Variants in SERGEF observed in about 807,000 individuals in gnomAD.
SERGEF encodes secretion-regulating guanine nucleotide exchange factor.
Under a neutral mutation model 50.0 loss-of-function variants are expected in SERGEF, and 51 were observed. That is an observed-to-expected ratio of 1.02 (90% confidence interval 0.81 to 1.29). SERGEF has a LOEUF of 1.29. Ranked by LOEUF, SERGEF falls within the 50% of genes most tolerant of loss-of-function variation. The pLI is 0.00. For synonymous variants in SERGEF, 205 were observed against 212.4 expected (o/e 0.97, Z 0.30); for missense variants, 521 against 557.0 (o/e 0.94, Z 0.65).
At chr11:17,994,092 CT>C (rs1853779325) in intron 6 of SERGEF, among the ~76,000 whole-genome samples, 1 of 152,144 alleles carries the variant, frequency 6.6e-6, no homozygotes, top group African/African-American at 2.4e-5. Context: ...AGTTCATAAT[CT>C]TCAGCATATG....
chr11:17,963,181 C>CAAA (rs1164488575), intron 8 of SERGEF, among the ~76,000 whole-genome samples: 2 of 16,476 alleles, frequency 1.2e-4, no homozygotes, highest in African/African-American at 2.3e-4. Context: ...GACTCTGTTT[C>CAAA]AAAAAAAAAA....
chr11:17,884,313 G>A lies in SERGEF; in HGVS notation c.1012-6069C>T, dbSNP rs1851390730. ...GCACTGCGAGCCCTTGGCGGGCACA[G>A]CCGCCAGGGTGGGAGAAGCGTACCA... On this transcript the variant is annotated intron_variant, in intron 9 of 10. Transcript: ENST00000265965. This position sits in a 1 kb window ranked among gnomAD's most constrained non-coding sequence, Gnocchi z 4.6. Among the ~76,000 whole-genome samples, 1 of 152,220 alleles carries A rather than the reference G, an allele frequency of 6.6e-6. No individual in the cohort carries two copies. The highest frequency in any genetic ancestry group is 1.5e-5 in the Non-Finnish European group (1 of 68,030).
intron 9 of SERGEF, among the ~76,000 whole-genome samples, chr11:17,907,671 A>C (rs1274136352): frequency 6.6e-6 from 1 of 152,224 alleles, no homozygotes; most frequent in Non-Finnish European, 1.5e-5. Context: ...GGTTGCCTAA[A>C]GAAATATCAA....
intron 10 of SERGEF, among the ~76,000 whole-genome samples, chr11:17,791,237 T>C (rs1394042498): frequency 1.3e-5 from 2 of 152,254 alleles, no homozygotes; most frequent in Admixed American, 1.3e-4. Context: ...TCTTTATGCA[T>C]GAGTCTTTGT....
At chr11:17,835,263 C>T (rs1436540444) in intron 10 of SERGEF, among the ~76,000 whole-genome samples, 16 of 152,264 alleles carry the variant, frequency 1.1e-4, no homozygotes, top group South Asian at 6.2e-4. Flanking sequence ...TTGCCAATAC[C>T]GGTTTGGGCT....
chr11:17,809,005 G>A (rs551805317), intron 10 of SERGEF, among the ~76,000 whole-genome samples: 17 of 152,294 alleles, frequency 1.1e-4, no homozygotes, highest in East Asian at 1.9e-4. Context: ...GGCTAAACCC[G>A]GTCTTTCCAG....
At chr11:17,934,339 C>A (rs912323303) in intron 9 of SERGEF, among the ~76,000 whole-genome samples, 1 of 152,156 alleles carries the variant, frequency 6.6e-6, no homozygotes, top group Non-Finnish European at 1.5e-5. Context: ...CTAAACCACC[C>A]CTCAAACAAT....
At chr11:18,003,976 T>TA (rs1187474155) in intron 4 of SERGEF, among the ~76,000 whole-genome samples, 1 of 152,230 alleles carries the variant, frequency 6.6e-6, no homozygotes, top group Non-Finnish European at 1.5e-5. Flanking sequence ...GCTGTTATTT[T>TA]AAAAATTACT....
At chr11:17,859,941 C>T (rs556613231) in intron 10 of SERGEF, among the ~76,000 whole-genome samples, 7 of 152,256 alleles carry the variant, frequency 4.6e-5, no homozygotes, top group African/African-American at 1.7e-4. Context: ...GAGTCCTGTG[C>T]CCCACCAAAA....
intron 10 of SERGEF, among the ~76,000 whole-genome samples, chr11:17,794,419 TC>T (rs539348775): frequency 6.1e-4 from 93 of 152,266 alleles, no homozygotes; most frequent in African/African-American, 2.2e-3. Context: ...ACGGCAACCC[TC>T]GGAGGTACTA....
At chr11:17,939,760 C>A (rs1021790526) in intron 9 of SERGEF, 1 of 152,226 alleles carries the variant, frequency 6.6e-6, no homozygotes, top group African/African-American at 2.4e-5. Context: ...CAAAGGCCAG[C>A]CTTTGGGTCA....
chr11:17,974,720 A>T (rs1210028532), intron 8 of SERGEF, among the ~76,000 whole-genome samples: 4 of 152,162 alleles, frequency 2.6e-5, no homozygotes, highest in Non-Finnish European at 4.4e-5. Flanking sequence ...CTGTTTCCTC[A>T]AATTTCAAAT....
Position 17,991,547 on chromosome 11 carries a change from G to A in SERGEF, c.685+1384C>T, listed in dbSNP as rs1473443403. 6.6e-6 allele frequency among the ~76,000 whole-genome samples: 1 copy of A among 152,098 alleles called. No homozygotes were observed. The highest frequency in any genetic ancestry group is 1.9e-4 in the East Asian group (1 of 5,190). Reference sequence around the variant, plus strand: ...CTAGTCCTTCTTCTGTAAAAGGAAGGGAGGAACTGGATACCCACTGGAGTC... The same window carrying A: ...CTAGTCCTTCTTCTGTAAAAGGAAGAGAGGAACTGGATACCCACTGGAGTC... On this transcript the variant is annotated intron_variant, in intron 7 of 10. Transcript: ENST00000265965. This position sits in a 1 kb window ranked among gnomAD's most constrained non-coding sequence, Gnocchi z 4.9.
chr11:17,935,164 A>G (rs1852426500), intron 9 of SERGEF, among the ~76,000 whole-genome samples: 1 of 151,984 alleles, frequency 6.6e-6, no homozygotes, highest in Non-Finnish European at 1.5e-5. Flanking sequence ...CAATTTTAAA[A>G]TAAAATAAAA....
chr11:17,865,564 C>T (rs1052087197), intron 10 of SERGEF, among the ~76,000 whole-genome samples: 1 of 151,420 alleles, frequency 6.6e-6, no homozygotes, highest in Non-Finnish European at 1.5e-5. Flanking sequence ...ATTCTGACCC[C>T]GTACAGGCCT....
chr11:17,934,291 C>A (rs561945845), intron 9 of SERGEF, among the ~76,000 whole-genome samples: 1 of 152,112 alleles, frequency 6.6e-6, no homozygotes, highest in African/African-American at 2.4e-5. Context: ...AGCTTGCAAT[C>A]GCTCTCAATT....
intron 10 of SERGEF, among the ~76,000 whole-genome samples, chr11:17,794,874 A>G (rs1374144048): frequency 1.3e-5 from 2 of 152,204 alleles, no homozygotes; most frequent in African/African-American, 4.8e-5. Flanking sequence ...CGCAGGAAGT[A>G]ATGGAAGGCA....
chr11:17,957,768 T>C (rs1409137040), intron 9 of SERGEF, among the ~76,000 whole-genome samples: 2 of 149,382 alleles, frequency 1.3e-5, no homozygotes, highest in Non-Finnish European at 3.0e-5. Context: ...GATCTAAATG[T>C]CTAATATCCA....
At chr11:17,992,814 T>A (rs1192287643) in intron 7 of SERGEF, 117 bp downstream of exon 7, 1 of 872,460 alleles carries the variant, frequency 1.1e-6, no homozygotes, top group Non-Finnish European at 1.9e-6. Flanking sequence ...AGTGGTAGCA[T>A]CAGAATTCTA....
Sources: allele counts gnomAD v4.1 joint callset (sites outside exome capture counted in the v4.1 genomes callset), GRCh38; gene constraint gnomAD v4.1.1; non-coding constraint Gnocchi (gnomAD v3.1); transcripts MANE v1.5; gene names NCBI Gene and HGNC (gene_info 2026-07-23, HGNC 2026-07-21).